NBEA: variants seen among roughly 807,000 people sequenced by gnomAD.
NBEA encodes the protein neurobeachin.
A neutral mutation model predicts 343.4 loss-of-function variants in NBEA; 44 were observed. That is an observed-to-expected ratio of 0.13 (90% CI 0.10 to 0.16). NBEA has a LOEUF of 0.16. NBEA is among the 10% of genes least tolerant of loss of function. The pLI, the probability that NBEA is intolerant of heterozygous loss-of-function variation, is 1.00. For synonymous variants in NBEA, 1,175 were observed against 1,238.7 expected, an observed-to-expected ratio of 0.95 and a Z score of 1.08; for missense variants, 2,555 against 3,631.3, an observed-to-expected ratio of 0.70 and a Z score of 7.62.
chr13:35,161,211 G>C (rs1051733535), intron 22 of NBEA, among the ~76,000 whole-genome samples: 1 of 152,088 alleles, frequency 6.6e-6, no homozygotes, highest in African/African-American at 2.4e-5. Context: ...CACTAGGCTT[G>C]CCTGTTTTTC....
rs565782069 is a variant in NBEA, at chr13:35,021,374, A to T, written c.295-19559A>T. 2.0e-5 allele frequency among the ~76,000 whole-genome samples: 3 copies of T among 152,290 alleles called. No homozygotes were observed. In the East Asian group the frequency reaches 5.8e-4, roughly 29 times the overall value. ...TGACCCTCTGCATTTTTTTGTAGAC[A>T]GATTGTAATGGAGTCTTGCTATATT... is the stretch of plus-strand genomic sequence containing the variant. On this transcript the variant is annotated intron_variant, in intron 1 of 58. Coordinates refer to ENST00000379939, the MANE Select transcript of NBEA (RefSeq NM_001385012.1).
At chr13:35,164,786 A>T (rs545521761) in intron 24 of NBEA, among the ~76,000 whole-genome samples, 1 of 152,274 alleles carries the variant, frequency 6.6e-6, no homozygotes, top group South Asian at 2.1e-4. Flanking sequence ...TCAAATCTGT[A>T]GTATAAATAA....
chr13:35,166,339 A>G (rs2070029162), intron 24 of NBEA, among the ~76,000 whole-genome samples: 2 of 152,300 alleles, frequency 1.3e-5, no homozygotes, highest in African/African-American at 4.8e-5. Context: ...CATACATACT[A>G]TTGCACCAGT....
At chr13:35,583,822 C>A in intron 45 of NBEA, 76 bp from the exon 46 acceptor site, 1 of 1,076,522 alleles carries the variant, frequency 9.3e-7, no homozygotes, top group Non-Finnish European at 1.3e-6. Flanking sequence ...CAGTGAAATA[C>A]TGAAAGTATA....
intron 10 of NBEA, among the ~76,000 whole-genome samples, chr13:35,075,948 T>A: frequency 6.6e-6 from 1 of 152,084 alleles, no homozygotes; most frequent in South Asian, 2.1e-4. Flanking sequence ...AAATATCTAT[T>A]ATATACAGCG....
intron 26 of NBEA, among the ~76,000 whole-genome samples, chr13:35,171,928 C>G (rs1272225139): frequency 1.3e-5 from 2 of 152,018 alleles, no homozygotes; most frequent in Admixed American, 1.3e-4. Flanking sequence ...TATACCCATG[C>G]TGTTCACCTT....
intron 24 of NBEA, among the ~76,000 whole-genome samples, chr13:35,166,828 C>G (rs975149517): frequency 6.6e-6 from 1 of 151,732 alleles, no homozygotes; most frequent in African/African-American, 2.4e-5. Context: ...GGAAATTAAA[C>G]CGAATATTTG....
intron 30 of NBEA, among the ~76,000 whole-genome samples, chr13:35,195,056 C>A (rs140577393): frequency 6.6e-6 from 1 of 151,918 alleles, no homozygotes; most frequent in South Asian, 2.1e-4. Flanking sequence ...CAGAATTTTA[C>A]GTATTGTAAT....
intron 48 of NBEA, among the ~76,000 whole-genome samples, chr13:35,608,135 T>C (rs1334799916): frequency 6.6e-6 from 1 of 152,188 alleles, no homozygotes; most frequent in Non-Finnish European, 1.5e-5. Context: ...AAGTTGCTGA[T>C]GTAATATACC....
Position 35,045,330 on chromosome 13 carries a change from T to C in NBEA, c.652T>C (p.Ser218Pro). Residue 218 changes from serine to proline, a missense_variant, in exon 4 of 59, where the codon TCA (serine) becomes CCA (proline). By Grantham distance (74) the Ser-to-Pro change is moderately conservative. Around this residue, in one of 21 missense-constraint regions of NBEA, gnomAD observed 185 missense variants for 290.6 expected, o/e 0.64. Transcript: ENST00000379939. The part of the protein sequence containing the change: ...IWPRHAVKLL[S>P]VLNQMPQRHG... ...GCCAAGACATGCAGTAAAATTATTATCAGTTCTTAATCAGATGCCACAGAG... is the reference window on the plus strand; with the variant it reads ...GCCAAGACATGCAGTAAAATTATTACCAGTTCTTAATCAGATGCCACAGAG... The C allele has an allele frequency of 6.2e-7, 1 of 1,610,710 alleles. No homozygotes were observed. Among genetic ancestry groups the C allele is most frequent in the Non-Finnish European group, 8.5e-7 (1 of 1,178,704 alleles).
At chr13:35,392,350 T>G (rs146861010) in intron 38 of NBEA, among the ~76,000 whole-genome samples, 6 of 152,194 alleles carry the variant, frequency 3.9e-5, no homozygotes, top group Non-Finnish European at 5.9e-5. Flanking sequence ...GAGTTTTACT[T>G]TTAGGAATTG....
intron 34 of NBEA, among the ~76,000 whole-genome samples, chr13:35,239,203 A>C (rs2075372237): frequency 6.6e-6 from 1 of 152,080 alleles, no homozygotes; most frequent in Admixed American, 6.6e-5. Flanking sequence ...ATGAATGGAC[A>C]TTTACAACAA....
chr13:35,452,251 T>A lies in NBEA; in HGVS notation c.6448+16T>A. ...AACCTTGCAGGTAAATTTTAAAATATATTTTTCCTATTTGTTGTAAATAAA... is the reference window on the plus strand; with the variant it reads ...AACCTTGCAGGTAAATTTTAAAATAAATTTTTCCTATTTGTTGTAAATAAA... On this transcript the variant is annotated intron_variant, in intron 40 of 58. Transcript: ENST00000379939. 1 of 1,535,110 alleles carries A rather than the reference T, an allele frequency of 6.5e-7. No homozygotes were observed. Among genetic ancestry groups the A allele is most frequent in the Non-Finnish European group, 8.8e-7 (1 of 1,137,272 alleles).
intron 36 of NBEA, among the ~76,000 whole-genome samples, chr13:35,345,053 G>A (rs1160671163): frequency 3.3e-5 from 5 of 152,004 alleles, no homozygotes; most frequent in African/African-American, 9.7e-5. Context: ...ACTGGAAGAC[G>A]GTGATGAGGG....
At chr13:35,136,261 CA>C (rs1384897755) in intron 17 of NBEA, among the ~76,000 whole-genome samples, 1 of 152,164 alleles carries the variant, frequency 6.6e-6, no homozygotes, top group Non-Finnish European at 1.5e-5. Context: ...TAATAATCCC[CA>C]CATTAGAGTG....
At chr13:34,973,523 G>A (rs933433959) in intron 1 of NBEA, among the ~76,000 whole-genome samples, 1 of 151,856 alleles carries the variant, frequency 6.6e-6, no homozygotes, top group Non-Finnish European at 1.5e-5. Context: ...CCCTTGCGAG[G>A]TCATGCCCAG....
rs116806567 is a variant in NBEA at position 35,031,636 on chromosome 13, T to C, written c.295-9297T>C. 7.4e-3 allele frequency among the ~76,000 whole-genome samples: 1,125 copies of C among 151,708 alleles called. 13 individuals are homozygous for C. Among genetic ancestry groups the C allele is most frequent in the African/African-American group, 0.026 (1,065 of 41,510 alleles). On this transcript the variant is annotated intron_variant, in intron 1 of 58. Transcript: ENST00000379939. ...TCTCATTTCATGCTCCCAACAATTT[T>C]ATTAGACAGGAACTTTTTTTTTCAG...
intron 38 of NBEA, among the ~76,000 whole-genome samples, chr13:35,383,291 T>C (rs2042095633): frequency 6.6e-6 from 1 of 152,146 alleles, no homozygotes; most frequent in African/African-American, 2.4e-5. Flanking sequence ...AGGACGTATA[T>C]TATCTAAAGT....
intron 40 of NBEA, among the ~76,000 whole-genome samples, chr13:35,455,215 C>T (rs746173373): frequency 6.6e-6 from 1 of 151,924 alleles, no homozygotes; most frequent in Non-Finnish European, 1.5e-5. Flanking sequence ...TACAAAACCC[C>T]GTTTTGCTGA....
Sources: allele counts gnomAD v4.1 joint callset (sites outside exome capture counted in the v4.1 genomes callset), GRCh38; gene constraint gnomAD v4.1.1; regional missense constraint gnomAD v4.1.1; transcripts MANE v1.5; gene names NCBI Gene and HGNC (gene_info 2026-07-23, HGNC 2026-07-21).